ZNF273: variants seen among roughly 807,000 people sequenced by gnomAD.
The protein encoded by ZNF273 is zinc finger protein 273.
A neutral mutation model predicts 14.9 loss-of-function variants in ZNF273; 11 were observed. The observed-to-expected ratio is 0.74, with a 90% CI of 0.46 to 1.22. The LOEUF (loss-of-function observed/expected upper bound fraction) is 1.22, where lower values mean the gene tolerates loss of function less well. Among genes scored for constraint, ZNF273 ranks in the 50% most tolerant of loss-of-function variants. ZNF273 has a pLI of 0.00. For missense variants in ZNF273, 577 were observed against 660.6 expected, an observed-to-expected ratio of 0.87 and a Z score of 1.39; for synonymous variants, 199 against 223.9, an observed-to-expected ratio of 0.89 and a Z score of 0.99.
intron 1 of ZNF273, chr7:64,917,150 T>G: frequency 8.2e-7 from 1 of 1,218,798 alleles, no homozygotes. Flanking sequence ...AAACTCAGAC[T>G]TTATTCCAGA....
chr7:64,899,476 G>T (rs1562953774), upstream of ZNF273, among the ~76,000 whole-genome samples: 1 of 152,062 alleles, frequency 6.6e-6, no homozygotes, highest in Non-Finnish European at 1.5e-5. Flanking sequence ...CCAACATGGT[G>T]AAACCCCATT....
chr7:64,911,047 T>A (rs192318212), intron 1 of ZNF273, among the ~76,000 whole-genome samples: 1 of 152,130 alleles, frequency 6.6e-6, no homozygotes, highest in African/African-American at 2.4e-5. Context: ...ATTACAGGCG[T>A]GAGTGAGCCA....
At chr7:64,881,615 T>TG (rs1249023677), downstream of ZNF273, among the ~76,000 whole-genome samples, 5 of 152,072 alleles carry the variant, frequency 3.3e-5, no homozygotes, top group East Asian at 1.9e-4. Flanking sequence ...ACTGTCCTTG[T>TG]GGGGGGGCTG....
intron 1 of ZNF273, chr7:64,877,882 C>G (rs2129025715): frequency 6.6e-6 from 1 of 152,354 alleles, no homozygotes; most frequent in East Asian, 1.9e-4. Flanking sequence ...TAGGTACAGC[C>G]TGCTTGTGTT....
chr7:64,924,065 T>G (rs975425710), intron 3 of ZNF273: 19 of 152,032 alleles, frequency 1.2e-4, no homozygotes, highest in African/African-American at 4.3e-4. Context: ...AGTATAGACA[T>G]CTTCCCAATA....
chr7:64,899,650 T>A (rs142621368), upstream of ZNF273, among the ~76,000 whole-genome samples: 9 of 147,962 alleles, frequency 6.1e-5, no homozygotes, highest in South Asian at 2.1e-4. Flanking sequence ...TGAGACTCCA[T>A]CTCAAAAAAA....
downstream of ZNF273, chr7:64,880,288 G>A (rs1450951421): frequency 6.6e-6 from 1 of 152,210 alleles, no homozygotes; most frequent in Non-Finnish European, 1.5e-5. Flanking sequence ...CAAAAAGATC[G>A]GCAGGATGCT....
intron 1 of ZNF273, among the ~76,000 whole-genome samples, chr7:64,908,562 C>T (rs942966242): frequency 2.6e-5 from 4 of 152,160 alleles, no homozygotes; most frequent in Non-Finnish European, 5.9e-5. Context: ...AAGTGATTCT[C>T]CTGCCTCAGC....
intron 3 of ZNF273, among the ~76,000 whole-genome samples, chr7:64,919,776 T>A (rs574294080): frequency 6.6e-6 from 1 of 152,168 alleles, no homozygotes; most frequent in Non-Finnish European, 1.5e-5. Flanking sequence ...TAATTTTATA[T>A]TTTGCTGATA....
intron 1 of ZNF273, among the ~76,000 whole-genome samples, chr7:64,912,765 T>G (rs1474200729): frequency 6.6e-6 from 1 of 151,184 alleles, no homozygotes; most frequent in African/African-American, 2.4e-5. Context: ...TGAATATATG[T>G]AAATCATATG....
chr7:64,926,093 C>T (rs1584011874), intron 3 of ZNF273, among the ~76,000 whole-genome samples: 1 of 114,620 alleles, frequency 8.7e-6, no homozygotes, highest in Admixed American at 9.1e-5. Context: ...TTTGGAAGAT[C>T]TTTTCCTTTT....
At chr7:64,909,746 A>C (rs1793358870) in intron 1 of ZNF273, among the ~76,000 whole-genome samples, 1 of 152,106 alleles carries the variant, frequency 6.6e-6, no homozygotes, top group South Asian at 2.1e-4. Context: ...TTGAGAAATC[A>C]TCACACTGCT....
intron 1 of ZNF273, chr7:64,917,182 A>C: frequency 1.9e-6 from 2 of 1,044,924 alleles, no homozygotes; most frequent in South Asian, 1.4e-5. Flanking sequence ...GAAAATCTGC[A>C]TAACAAGATC....
chr7:64,902,404 A>G (rs1025927448), upstream of ZNF273, among the ~76,000 whole-genome samples: 6 of 152,178 alleles, frequency 3.9e-5, no homozygotes, highest in Non-Finnish European at 7.3e-5. Flanking sequence ...GTGAACCTCA[A>G]ATATCTGAGA....
chr7:64,935,280 T>C (rs1795050288), downstream of ZNF273, among the ~76,000 whole-genome samples: 1 of 152,206 alleles, frequency 6.6e-6, no homozygotes, highest in South Asian at 2.1e-4. Context: ...ATTTTCTGAC[T>C]TGGACATTTA....
At chr7:64,935,248 T>A (rs578193408), downstream of ZNF273, among the ~76,000 whole-genome samples, 2 of 152,318 alleles carry the variant, frequency 1.3e-5, no homozygotes, top group South Asian at 4.1e-4. Context: ...CCAAGCTGGA[T>A]GCCTTTGATT....
chr7:64,905,407 C>T (rs1461145310), intron 1 of ZNF273, among the ~76,000 whole-genome samples: 1 of 148,388 alleles, frequency 6.7e-6, no homozygotes, highest in Non-Finnish European at 1.5e-5. Flanking sequence ...TGAGGCACCC[C>T]ACGCTGGCCA....
At chr7:64,922,961 G>A (rs1302663507) in intron 3 of ZNF273, among the ~76,000 whole-genome samples, 1 of 151,520 alleles carries the variant, frequency 6.6e-6, no homozygotes. Context: ...GCAAGACTCT[G>A]TCTCAAAATT....
intron 3 of ZNF273, among the ~76,000 whole-genome samples, chr7:64,922,859 C>T (rs1018397103): frequency 1.6e-4 from 24 of 151,722 alleles, no homozygotes; most frequent in African/African-American, 2.7e-4. Context: ...CCAGCTTTAC[C>T]GGAGGCTGAG....
Sources: gnomAD v4.1 joint callset for allele counts (sites outside exome capture counted in the v4.1 genomes callset) on GRCh38, gnomAD v4.1.1 for gene constraint, MANE v1.5 for transcripts, NCBI Gene and HGNC (gene_info 2026-07-23, HGNC 2026-07-21) for gene names.